NEGR1: variants seen among roughly 807,000 people sequenced by gnomAD.
NEGR1 encodes the protein neuronal growth regulator 1, also known as IgLON family member 4.
Under a neutral mutation model 40.9 loss-of-function variants are expected in NEGR1, and 10 were observed. That is an observed-to-expected ratio of 0.24 (90% CI 0.15 to 0.42). The LOEUF is 0.42. Ranked by LOEUF, NEGR1 falls within the 10% of genes least tolerant of loss-of-function variation. The pLI is 1.00. For missense variants in NEGR1, 352 were observed against 438.9 expected, an observed-to-expected ratio of 0.80 and a Z score of 1.77; for synonymous variants, 185 against 166.8, an observed-to-expected ratio of 1.11 and a Z score of -0.84.
intron 1 of NEGR1, among the ~76,000 whole-genome samples, chr1:71,949,777 T>A (rs934243873): frequency 3.3e-5 from 5 of 152,038 alleles, no homozygotes; most frequent in African/African-American, 1.2e-4. Context: ...GTCTAGAGAG[T>A]CTCCTTTTAT....
At chr1:71,633,276 AT>A (rs1402275399) in intron 4 of NEGR1, among the ~76,000 whole-genome samples, 3 of 152,014 alleles carry the variant, frequency 2.0e-5, no homozygotes, top group African/African-American at 4.8e-5. Flanking sequence ...TGCCACAGAA[AT>A]TTTTTTGTCA....
chr1:71,678,336 T>C (rs1652713802), intron 4 of NEGR1, among the ~76,000 whole-genome samples: 1 of 152,202 alleles, frequency 6.6e-6, no homozygotes, highest in African/African-American at 2.4e-5. Flanking sequence ...CTTTTCTCTT[T>C]ACTACTTTAC....
intron 3 of NEGR1, among the ~76,000 whole-genome samples, chr1:71,765,305 A>C (rs575791583): frequency 1.3e-5 from 2 of 152,290 alleles, no homozygotes; most frequent in East Asian, 3.9e-4. Context: ...TTGCCAACTG[A>C]CTACCACTAC....
chr1:72,155,780 C>T (rs12124523), intron 1 of NEGR1, among the ~76,000 whole-genome samples: 10,592 of 152,026 alleles, frequency 0.07, 451 homozygotes, highest in Non-Finnish European at 0.1. Flanking sequence ...ATGGGGATGA[C>T]GACAAGTACT....
At chr1:71,861,061 A>C (rs978733389) in intron 2 of NEGR1, among the ~76,000 whole-genome samples, 2 of 152,038 alleles carry the variant, frequency 1.3e-5, no homozygotes, top group Non-Finnish European at 2.9e-5. Context: ...CATAGGGAAA[A>C]AGTTATTACC....
At chr1:72,201,335 T>C (rs1653197221) in intron 1 of NEGR1, among the ~76,000 whole-genome samples, 1 of 151,224 alleles carries the variant, frequency 6.6e-6, no homozygotes, top group Non-Finnish European at 1.5e-5. Flanking sequence ...TATATTTATT[T>C]TATTTTACAT....
intron 1 of NEGR1, among the ~76,000 whole-genome samples, chr1:71,938,126 G>C (rs1645925510): frequency 6.6e-6 from 1 of 150,926 alleles, no homozygotes; most frequent in South Asian, 2.1e-4. Flanking sequence ...ACTCTTGAAT[G>C]ACAATCAGAA....
chr1:71,656,744 T>G (rs1401232197), intron 4 of NEGR1, among the ~76,000 whole-genome samples: 1 of 152,224 alleles, frequency 6.6e-6, no homozygotes, highest in East Asian at 1.9e-4. Context: ...TGAGCTTCTA[T>G]AGACCTGACA....
At chr1:71,757,970 G>GT (rs939965105) in intron 3 of NEGR1, among the ~76,000 whole-genome samples, 24 of 151,258 alleles carry the variant, frequency 1.6e-4, no homozygotes, top group South Asian at 4.2e-4. Flanking sequence ...TTTTGGATGA[G>GT]TTTTTTTTTA....
At chr1:72,273,330 A>C (rs1431362256) in intron 1 of NEGR1, among the ~76,000 whole-genome samples, 1 of 152,022 alleles carries the variant, frequency 6.6e-6, no homozygotes, top group Non-Finnish European at 1.5e-5. Flanking sequence ...GGAGAAAGGA[A>C]GAGAAGGCTC....
At chr1:71,772,552 C>CA (rs1656366443) in intron 3 of NEGR1, among the ~76,000 whole-genome samples, 1 of 151,704 alleles carries the variant, frequency 6.6e-6, no homozygotes, top group African/African-American at 2.4e-5. Context: ...CTGTACTAGA[C>CA]AAAAAAGTAT....
In NEGR1 at chr1:71,617,260, A is replaced by G. The variant is rs557491561; in HGVS notation, c.668-6114T>C. Among the ~76,000 whole-genome samples, 31 of 152,208 alleles carry G rather than the reference A, an allele frequency of 2.0e-4. 1 individual carries two copies. The highest frequency in any genetic ancestry group is 8.5e-4 in the Admixed American group (13 of 15,282). On this transcript the variant is annotated intron_variant, in intron 4 of 6. Transcript: ENST00000357731. ...ACTTTTAGGAGAGGCTGCTGTTCAAAAGGTGGCACGTGTTCCTCCTTTGGC... is the reference window on the plus strand; with the variant it reads ...ACTTTTAGGAGAGGCTGCTGTTCAAGAGGTGGCACGTGTTCCTCCTTTGGC...
intron 1 of NEGR1, among the ~76,000 whole-genome samples, chr1:72,054,602 T>A (rs1293386190): frequency 7.3e-5 from 11 of 151,252 alleles, no homozygotes; most frequent in Non-Finnish European, 1.0e-4. Flanking sequence ...GACAGACTTA[T>A]TTTGTAAAAT....
At chr1:72,059,039 C>T (rs976910530) in intron 1 of NEGR1, among the ~76,000 whole-genome samples, 4 of 151,580 alleles carry the variant, frequency 2.6e-5, no homozygotes, top group African/African-American at 9.7e-5. Context: ...ACAACTAGAA[C>T]CTTGTCTTTC....
chr1:71,584,329 A>T (rs1649231306), intron 6 of NEGR1, among the ~76,000 whole-genome samples: 1 of 152,150 alleles, frequency 6.6e-6, no homozygotes, highest in Admixed American at 6.5e-5. Flanking sequence ...TTTCACAGTT[A>T]ATTCCTCCTC....
At chr1:71,961,151 C>A (rs1646162492) in intron 1 of NEGR1, among the ~76,000 whole-genome samples, 1 of 152,040 alleles carries the variant, frequency 6.6e-6, no homozygotes, top group South Asian at 2.1e-4. Flanking sequence ...ATTAAGTTGC[C>A]AACTTGAACT....
At chr1:72,129,905 A>G (rs1650178003) in intron 1 of NEGR1, among the ~76,000 whole-genome samples, 2 of 152,214 alleles carry the variant, frequency 1.3e-5, no homozygotes, top group South Asian at 4.1e-4. Context: ...AATAACCTGT[A>G]CTAATTCACC....
chr1:71,541,301 C>A (rs1407791864), intron 6 of NEGR1, among the ~76,000 whole-genome samples: 1 of 151,702 alleles, frequency 6.6e-6, no homozygotes, highest in African/African-American at 2.4e-5. Flanking sequence ...TCTCTCATTT[C>A]TGACCTGGGT....
intron 1 of NEGR1, among the ~76,000 whole-genome samples, chr1:71,968,131 G>T (rs1402140426): frequency 2.0e-5 from 3 of 151,946 alleles, no homozygotes; most frequent in African/African-American, 7.3e-5. Flanking sequence ...AAAGTCTCTG[G>T]GACTTTATCA....
Sources: gnomAD v4.1 joint callset for allele counts (sites outside exome capture counted in the v4.1 genomes callset) on GRCh38, gnomAD v4.1.1 for gene constraint, MANE v1.5 for transcripts, NCBI Gene and HGNC (gene_info 2026-07-23, HGNC 2026-07-21) for gene names.